GNG2: variants seen among roughly 807,000 people sequenced by gnomAD.
The protein encoded by GNG2 is guanine nucleotide-binding protein G(I)/G(S)/G(O) subunit gamma-2.
Under a neutral mutation model 5.5 loss-of-function variants are expected in GNG2, and 5 were observed. The observed-to-expected ratio is 0.91, with a 90% confidence interval of 0.48 to 1.92. The LOEUF (loss-of-function observed/expected upper bound fraction) is 1.92, where lower values mean the gene tolerates loss of function less well. Ranked by LOEUF, GNG2 falls within the 30% of genes most tolerant of loss-of-function variation. GNG2 has a pLI of 0.01. For synonymous variants in GNG2, 28 were observed against 32.0 expected, an observed-to-expected ratio of 0.88 and a Z score of 0.42; for missense variants, 55 against 88.4, an observed-to-expected ratio of 0.62 and a Z score of 1.52.
rs1887399334 is a variant in GNG2, at chr14:51,927,496, T to A, written c.-29-23154T>A. Among the ~76,000 whole-genome samples, 3 of 152,336 alleles carry A rather than the reference T, an allele frequency of 2.0e-5. No homozygotes were observed. In the South Asian group the frequency reaches 6.2e-4, roughly 32 times the overall value. ...TCTTTCTCTCTGAAAAACAAAAAAA[T>A]GCCTCTTCTAGGTGTTTCCACCATA... On this transcript the variant is annotated intron_variant, in intron 2 of 3. Transcript: ENST00000556766.
chr14:51,953,676 G>A (rs574996851), intron 3 of GNG2, among the ~76,000 whole-genome samples: 1 of 152,218 alleles, frequency 6.6e-6, no homozygotes, highest in Non-Finnish European at 1.5e-5. Flanking sequence ...CTGTGGTGAA[G>A]TGACAGATTA....
upstream of GNG2, among the ~76,000 whole-genome samples, chr14:51,858,528 C>T (rs758208334): frequency 2.0e-5 from 3 of 152,098 alleles, no homozygotes; most frequent in East Asian, 1.9e-4. Flanking sequence ...TACCAACCAT[C>T]GGAGGATGGT....
intron 2 of GNG2, among the ~76,000 whole-genome samples, chr14:51,918,974 T>C (rs1462191701): frequency 6.6e-6 from 1 of 152,104 alleles, no homozygotes; most frequent in African/African-American, 2.4e-5. Context: ...TACAGGCATG[T>C]GCCACCACGC....
chr14:51,845,309 G>A (rs1274398378), intron 2 of GNG2, among the ~76,000 whole-genome samples: 2 of 152,112 alleles, frequency 1.3e-5, no homozygotes, highest in Non-Finnish European at 2.9e-5. Context: ...CGAGCAACAC[G>A]GCGAAGCCCT....
chr14:51,874,834 AC>A (rs1271699155), intron 1 of GNG2, among the ~76,000 whole-genome samples: 1 of 152,220 alleles, frequency 6.6e-6, no homozygotes, highest in African/African-American at 2.4e-5. Context: ...TTAAAGCAGA[AC>A]TTTTTAAACT....
At chr14:51,841,058 T>C (rs1224389252) in intron 2 of GNG2, among the ~76,000 whole-genome samples, 1 of 152,132 alleles carries the variant, frequency 6.6e-6, no homozygotes, top group African/African-American at 2.4e-5. Context: ...AAACCCAAGA[T>C]CAATAAAATA....
chr14:51,853,892 T>C (rs1441465832), intron 2 of GNG2, among the ~76,000 whole-genome samples: 1 of 147,558 alleles, frequency 6.8e-6, no homozygotes, highest in East Asian at 2.0e-4. Context: ...AATTTCTTTT[T>C]TTTTTCTTTT....
chr14:51,948,829 A>G (rs771357043), intron 2 of GNG2, among the ~76,000 whole-genome samples: 2 of 152,168 alleles, frequency 1.3e-5, no homozygotes, highest in Non-Finnish European at 2.9e-5. Flanking sequence ...TTTGAAAATA[A>G]ATTGAGGGAT....
intron 2 of GNG2, among the ~76,000 whole-genome samples, chr14:51,848,921 C>A (rs559249186): frequency 6.6e-6 from 1 of 152,108 alleles, no homozygotes; most frequent in Non-Finnish European, 1.5e-5. Flanking sequence ...AATCAGAGAT[C>A]GAGGGAGTTG....
intron 2 of GNG2, among the ~76,000 whole-genome samples, chr14:51,894,660 T>A (rs1489878119): frequency 6.6e-6 from 1 of 152,092 alleles, no homozygotes. Flanking sequence ...TTTTTTTAAG[T>A]ATAATTTTAT....
intron 2 of GNG2, among the ~76,000 whole-genome samples, chr14:51,903,001 G>C (rs1885665830): frequency 6.6e-6 from 1 of 152,182 alleles, no homozygotes; most frequent in Non-Finnish European, 1.5e-5. Context: ...GACCTACTTA[G>C]TTTATTATAA....
intron 1 of GNG2, among the ~76,000 whole-genome samples, chr14:51,865,790 G>A (rs4898720): frequency 0.9 from 137,719 of 152,242 alleles, 62,350 homozygotes; most frequent in East Asian, 1. Context: ...GTTCAGGTGT[G>A]AAAGATGCCA....
chr14:51,963,705 T>C (rs1380745951), intron 3 of GNG2, among the ~76,000 whole-genome samples: 1 of 152,212 alleles, frequency 6.6e-6, no homozygotes, highest in African/African-American at 2.4e-5. Flanking sequence ...GTTCAAGTTC[T>C]TTTTCTGCTG....
rs559774095 is a variant in GNG2, at chr14:51,900,827, T to C, written c.-30+23170T>C. On this transcript the variant is annotated intron_variant, in intron 2 of 3. Transcript: ENST00000556766. ...AGAAAGAGTAGCTCAACAGTCATGA[T>C]TGAATAAAAGTAATGGTGTAAATGT... Among the ~76,000 whole-genome samples, 6 of 152,260 alleles carry C rather than the reference T, an allele frequency of 3.9e-5. No homozygotes were observed. In the East Asian group the frequency reaches 5.8e-4, roughly 15 times the overall value.
In GNG2 at chr14:51,862,087, A is replaced by C. The variant is rs1451823413; in HGVS notation, c.-71+1297A>C. The stretch of plus-strand genomic sequence containing the variant: ...TCCTTTATCATCGTTCTCACTTGTT[A>C]AGAGCTATAGGGCTATTTTTAATGC... On this transcript the variant is annotated intron_variant, in intron 1 of 3. Coordinates refer to ENST00000556766, the MANE Select transcript of GNG2 (RefSeq NM_053064.5). Among the ~76,000 whole-genome samples, 10 of 152,312 alleles carry C rather than the reference A, an allele frequency of 6.6e-5. No individual in the cohort carries two copies. In the South Asian group the frequency reaches 2.1e-3, roughly 32 times the overall value.
intron 2 of GNG2, among the ~76,000 whole-genome samples, chr14:51,919,594 G>T (rs1052246859): frequency 1.3e-5 from 2 of 152,050 alleles, no homozygotes; most frequent in African/African-American, 4.8e-5. Context: ...TGATGATTAC[G>T]GTTTGACAAC....
intron 2 of GNG2, among the ~76,000 whole-genome samples, chr14:51,949,724 C>T (rs988704967): frequency 5.3e-5 from 8 of 152,162 alleles, no homozygotes; most frequent in African/African-American, 1.9e-4. Context: ...GACACCTTGA[C>T]ACAAAGTAAG....
intron 2 of GNG2, among the ~76,000 whole-genome samples, chr14:51,852,746 G>C (rs533348667): frequency 7.7e-4 from 118 of 152,324 alleles, no homozygotes; most frequent in Non-Finnish European, 1.5e-3. Context: ...ATGTTGAACA[G>C]CTTCTTACTA....
At chr14:51,956,076 G>A (rs11850096) in intron 3 of GNG2, among the ~76,000 whole-genome samples, 2,091 of 152,244 alleles carry the variant, frequency 0.014, 54 homozygotes, top group African/African-American at 0.047. Flanking sequence ...TAAAATGCTT[G>A]TGTTCAATTT....
Sources: allele counts gnomAD v4.1 joint callset (sites outside exome capture counted in the v4.1 genomes callset), GRCh38; gene constraint gnomAD v4.1.1; transcripts MANE v1.5; gene names NCBI Gene and HGNC (gene_info 2026-07-23, HGNC 2026-07-21).